C8orf34: variants seen among roughly 807,000 people sequenced by gnomAD.
C8orf34 encodes the protein chromosome 8 open reading frame 34, also known as uncharacterized protein C8orf34.
Under a neutral mutation model 68.3 loss-of-function variants are expected in C8orf34, and 65 were observed. The observed-to-expected ratio is 0.95, with a 90% CI of 0.78 to 1.17. The LOEUF (loss-of-function observed/expected upper bound fraction) is 1.17. Among genes scored for constraint, C8orf34 ranks in the 50% most tolerant of loss-of-function variants. C8orf34 has a pLI of 0.00. For missense variants in C8orf34, 664 were observed against 655.4 expected (o/e 1.01, Z -0.14); for synonymous variants, 244 against 241.2 (o/e 1.01, Z -0.11).
At chr8:68,473,263 C>T (rs916721120) in intron 4 of C8orf34, among the ~76,000 whole-genome samples, 14 of 152,120 alleles carry the variant, frequency 9.2e-5, no homozygotes, top group African/African-American at 2.4e-4. Context: ...CCGAGTGCAT[C>T]AGATTTTATA....
chr8:68,709,019 A>G lies in C8orf34; in HGVS notation c.1267A>G (p.Arg423Gly). Residue 423 changes from arginine (R) to glycine (G), a missense_variant, in exon 9 of 14, where the codon AGG (arginine) becomes GGG (glycine). Coordinates refer to ENST00000518698, the MANE Select transcript of C8orf34 (RefSeq NM_052958.4). ...GCTTCAAGGAGACAACCTGGAAGAA[A>G]GGACAGAAGAGTCACTACCAATACT... is the stretch of plus-strand genomic sequence containing the variant. ...ARLQGDNLEE[R>G]TEESLPILHS... 1 of 1,601,582 alleles carries G rather than the reference A, an allele frequency of 6.2e-7. No homozygotes were observed. The highest frequency in any genetic ancestry group is 1.8e-5 in the Admixed American group (1 of 55,902).
intron 7 of C8orf34, among the ~76,000 whole-genome samples, chr8:68,548,181 G>A (rs1372749470): frequency 1.3e-5 from 2 of 151,554 alleles, no homozygotes; most frequent in East Asian, 3.9e-4. Flanking sequence ...AGAAAAAATG[G>A]ATAAATTAAA....
At chr8:68,410,615 A>T (rs923216418) in intron 1 of C8orf34, among the ~76,000 whole-genome samples, 1 of 152,134 alleles carries the variant, frequency 6.6e-6, no homozygotes, top group Non-Finnish European at 1.5e-5. Context: ...TAAGTGCCAA[A>T]GTAAGGAAGG....
At chr8:68,571,300 A>T (rs1816753179) in intron 7 of C8orf34, among the ~76,000 whole-genome samples, 2 of 152,188 alleles carry the variant, frequency 1.3e-5, no homozygotes, top group Non-Finnish European at 2.9e-5. Flanking sequence ...GGCACTTTTT[A>T]AAATCTCTGC....
chr8:68,490,877 GTCCTGAATTT>G (rs1478239427), intron 5 of C8orf34, among the ~76,000 whole-genome samples: 2 of 152,150 alleles, frequency 1.3e-5, no homozygotes, highest in Non-Finnish European at 2.9e-5. Context: ...GAAGCTCACA[GTCCTGAATTT>G]TCCTGAATAA....
intron 7 of C8orf34, among the ~76,000 whole-genome samples, chr8:68,556,309 T>C (rs1816251628): frequency 6.6e-6 from 1 of 151,242 alleles, no homozygotes; most frequent in East Asian, 1.9e-4. Context: ...TTTTTTTTTT[T>C]TTTGCTTTAT....
chr8:68,587,566 C>T (rs1164941117), intron 7 of C8orf34, among the ~76,000 whole-genome samples: 1 of 151,412 alleles, frequency 6.6e-6, no homozygotes, highest in Non-Finnish European at 1.5e-5. Context: ...GATAGATAAG[C>T]ATTGTATAAA....
intron 1 of C8orf34, among the ~76,000 whole-genome samples, chr8:68,402,948 C>T (rs1809021485): frequency 6.6e-6 from 1 of 152,088 alleles, no homozygotes; most frequent in African/African-American, 2.4e-5. Context: ...GAGAGGAAGC[C>T]CCATGCATCC....
intron 7 of C8orf34, among the ~76,000 whole-genome samples, chr8:68,562,659 A>C (rs986080868): frequency 6.6e-6 from 1 of 152,192 alleles, no homozygotes; most frequent in African/African-American, 2.4e-5. Flanking sequence ...TTGTAAAAGG[A>C]CTTATTGCAT....
chr8:68,478,679 T>C (rs1812727561), intron 4 of C8orf34, among the ~76,000 whole-genome samples: 2 of 152,152 alleles, frequency 1.3e-5, no homozygotes, highest in Non-Finnish European at 2.9e-5. Flanking sequence ...CTTACAATTA[T>C]GGCAGAAGGA....
At chr8:68,717,335 C>T (rs1276517927) in intron 9 of C8orf34, among the ~76,000 whole-genome samples, 1 of 151,990 alleles carries the variant, frequency 6.6e-6, no homozygotes, top group African/African-American at 2.4e-5. Context: ...TTCACCCAGG[C>T]GGGGCCCGGG....
intron 7 of C8orf34, among the ~76,000 whole-genome samples, chr8:68,594,170 T>C (rs2130454577): frequency 6.6e-6 from 1 of 152,202 alleles, no homozygotes; most frequent in South Asian, 2.1e-4. Flanking sequence ...TCATCTAAAG[T>C]TCTATATAGC....
chr8:68,474,302 A>G (rs1812508872), intron 4 of C8orf34, among the ~76,000 whole-genome samples: 1 of 152,194 alleles, frequency 6.6e-6, no homozygotes, highest in Non-Finnish European at 1.5e-5. Flanking sequence ...TGGTGGTACC[A>G]TAACTTACCT....
chr8:68,449,183 T>C (rs1232864472), intron 3 of C8orf34, among the ~76,000 whole-genome samples: 3 of 152,086 alleles, frequency 2.0e-5, no homozygotes, highest in African/African-American at 7.2e-5. Context: ...CAAACACAAC[T>C]TTGATCCTTA....
chr8:68,806,231 T>C (rs1824478839), intron 12 of C8orf34, among the ~76,000 whole-genome samples: 1 of 152,166 alleles, frequency 6.6e-6, no homozygotes, highest in African/African-American at 2.4e-5. Flanking sequence ...AATATCCATT[T>C]ATATTTTCCC....
chr8:68,483,000 G>A (rs1234812242), intron 4 of C8orf34, among the ~76,000 whole-genome samples: 2 of 152,206 alleles, frequency 1.3e-5, no homozygotes, highest in South Asian at 2.1e-4. Context: ...TTTCCAGTAG[G>A]GAAGTAGATT....
intron 9 of C8orf34, among the ~76,000 whole-genome samples, chr8:68,710,111 G>A (rs182518065): frequency 6.6e-6 from 1 of 152,278 alleles, no homozygotes; most frequent in East Asian, 1.9e-4. Flanking sequence ...TTAAGATGGT[G>A]GACAGGAGGC....
chr8:68,759,325 T>C (rs1027029642), intron 10 of C8orf34, among the ~76,000 whole-genome samples: 2 of 152,224 alleles, frequency 1.3e-5, no homozygotes, highest in African/African-American at 4.8e-5. Context: ...TAACTAGAAG[T>C]TATTCCATCC....
At chr8:68,468,999 G>T (rs543193257) in intron 4 of C8orf34, among the ~76,000 whole-genome samples, 179 bp downstream of exon 4, 19 of 151,986 alleles carry the variant, frequency 1.3e-4, no homozygotes, top group Non-Finnish European at 2.5e-4. Flanking sequence ...CAGATTCTTG[G>T]GTAGACTGAT....
Sources: gnomAD v4.1 joint callset for allele counts (sites outside exome capture counted in the v4.1 genomes callset) on GRCh38, gnomAD v4.1.1 for gene constraint, MANE v1.5 for transcripts, NCBI Gene and HGNC (gene_info 2026-07-23, HGNC 2026-07-21) for gene names.